PTPRG: variants seen among roughly 807,000 people sequenced by gnomAD.
PTPRG encodes the protein protein tyrosine phosphatase receptor type G.
PTPRG carries 102 observed loss-of-function variants against 165.3 expected under a neutral mutation model. The ratio of observed to expected loss-of-function variants is 0.62; its 90% CI spans 0.53 to 0.73. The LOEUF is 0.73. Ranked by LOEUF, PTPRG falls within the 30% of genes least tolerant of loss-of-function variation. The probability of loss-of-function intolerance (pLI) is 0.00; values close to 1 mark genes in which losing one functional copy is unlikely to be tolerated. For missense variants in PTPRG, 1,866 were observed against 1,861.4 expected, an observed-to-expected ratio of 1.00 and a Z score of -0.05; for synonymous variants, 675 against 669.5, an observed-to-expected ratio of 1.01 and a Z score of -0.13.
chr3:61,762,770 G>T (rs977629110), intron 2 of PTPRG, among the ~76,000 whole-genome samples: 1 of 152,070 alleles, frequency 6.6e-6, no homozygotes, highest in Non-Finnish European at 1.5e-5. Context: ...TGGCCTAAGC[G>T]TAAGGGCAGT....
intron 2 of PTPRG, among the ~76,000 whole-genome samples, chr3:61,977,745 A>G (rs1320033473): frequency 6.6e-6 from 1 of 152,042 alleles, no homozygotes; most frequent in East Asian, 1.9e-4. Context: ...AATTGCTCCT[A>G]TTTCCTCTCC....
chr3:61,718,845 A>C (rs1172871182), intron 1 of PTPRG, among the ~76,000 whole-genome samples: 2 of 152,156 alleles, frequency 1.3e-5, no homozygotes, highest in Admixed American at 1.3e-4. Flanking sequence ...CATGAAGTTC[A>C]ATGCTATTGA....
chr3:61,872,638 G>A (rs2037615878), intron 2 of PTPRG, among the ~76,000 whole-genome samples: 1 of 152,060 alleles, frequency 6.6e-6, no homozygotes, highest in Non-Finnish European at 1.5e-5. Context: ...TTTGTACAGT[G>A]TATTGTCATG....
intron 1 of PTPRG, among the ~76,000 whole-genome samples, chr3:61,634,047 T>C (rs1701836221): frequency 6.6e-6 from 1 of 151,838 alleles, no homozygotes. Context: ...CCCAAGTAGC[T>C]GGGATTACAG....
At chr3:62,171,084 G>C (rs916248839) in intron 8 of PTPRG, among the ~76,000 whole-genome samples, 2 of 152,192 alleles carry the variant, frequency 1.3e-5, no homozygotes, top group African/African-American at 4.8e-5. Flanking sequence ...CATCCTCTCT[G>C]TTGTGGCCTG....
intron 2 of PTPRG, among the ~76,000 whole-genome samples, chr3:61,844,183 C>T (rs933971799): frequency 4.6e-5 from 7 of 152,026 alleles, no homozygotes; most frequent in Non-Finnish European, 8.8e-5. Flanking sequence ...AGGCTGGCCT[C>T]GAACTCCTGA....
chr3:61,794,449 T>C (rs1162746552), intron 2 of PTPRG, among the ~76,000 whole-genome samples: 3 of 152,226 alleles, frequency 2.0e-5, no homozygotes, highest in African/African-American at 7.2e-5. Flanking sequence ...CCCTATGTAA[T>C]TTGACTTTTT....
At chr3:62,095,670 C>T (rs74870809) in intron 5 of PTPRG, among the ~76,000 whole-genome samples, 100 of 152,160 alleles carry the variant, frequency 6.6e-4, no homozygotes, top group African/African-American at 2.3e-3. Flanking sequence ...TGCCAATGGA[C>T]ATATGATTCA....
chr3:61,622,961 C>T (rs1020067752), intron 1 of PTPRG, among the ~76,000 whole-genome samples: 2 of 152,082 alleles, frequency 1.3e-5, no homozygotes, highest in Non-Finnish European at 2.9e-5. Flanking sequence ...TCATATTTTT[C>T]CTGTTCTAGA....
intron 5 of PTPRG, among the ~76,000 whole-genome samples, chr3:62,099,021 A>C (rs565712576): frequency 7.2e-5 from 11 of 152,292 alleles, no homozygotes; most frequent in African/African-American, 2.4e-4. Flanking sequence ...TAGAATTTAG[A>C]GTTGTTTGAA....
intron 2 of PTPRG, among the ~76,000 whole-genome samples, chr3:61,833,373 C>T (rs1332871746): frequency 2.0e-5 from 3 of 152,078 alleles, no homozygotes; most frequent in African/African-American, 7.2e-5. Context: ...ATCTCTAGGG[C>T]TTTTACTGGC....
At chr3:61,960,773 T>G (rs1356720469) in intron 2 of PTPRG, among the ~76,000 whole-genome samples, 1 of 152,144 alleles carries the variant, frequency 6.6e-6, no homozygotes, top group Non-Finnish European at 1.5e-5. Flanking sequence ...TTATAATGGG[T>G]CTTGGGGAGT....
At chr3:62,131,490 TG>T in intron 5 of PTPRG, among the ~76,000 whole-genome samples, 1 of 152,232 alleles carries the variant, frequency 6.6e-6, no homozygotes, top group South Asian at 2.1e-4. Flanking sequence ...ATTCTAGGGG[TG>T]GCTCTTGATT....
intron 5 of PTPRG, chr3:62,118,341 AGTCTGTGGGTGGGATTT>A (rs1178660228): frequency 1.3e-5 from 2 of 152,226 alleles, no homozygotes; most frequent in East Asian, 3.9e-4. Context: ...TTACAGATGC[AGTCTGTGGGTGGGATTT>A]GCCTTGGTGG....
chr3:62,172,406 C>T (rs996593312), intron 8 of PTPRG, among the ~76,000 whole-genome samples: 1 of 152,196 alleles, frequency 6.6e-6, no homozygotes, highest in Admixed American at 6.5e-5. Flanking sequence ...TCCTCACCAA[C>T]ACTTGTTATT....
In PTPRG at chr3:62,192,103, A is replaced by C. The variant is rs139381150; in HGVS notation, c.1218+450A>C. Among the ~76,000 whole-genome samples the C allele has an allele frequency of 5.4e-3, 817 of 152,204 alleles. 4 individuals are homozygous for C. The highest frequency in any genetic ancestry group is 0.019 in the African/African-American group (772 of 41,540). ...TCCCCTACTAAAGCTACTGCTGCTG[A>C]TGTCACCACCACCACTGTCCACAGT... On this transcript the variant is annotated intron_variant, in intron 9 of 29. Coordinates refer to ENST00000474889, the MANE Select transcript of PTPRG (RefSeq NM_002841.4).
chr3:61,591,430 G>T (rs1402704260), intron 1 of PTPRG, among the ~76,000 whole-genome samples: 1 of 152,216 alleles, frequency 6.6e-6, no homozygotes, highest in Admixed American at 6.5e-5. Context: ...GGCCAAGTTT[G>T]TATGAATCCA....
chr3:62,270,039 G>A (rs1461457986), intron 20 of PTPRG, among the ~76,000 whole-genome samples: 2 of 152,064 alleles, frequency 1.3e-5, no homozygotes, highest in African/African-American at 4.8e-5. Context: ...TTAAAATACT[G>A]TAATATTTTT....
chr3:61,851,227 C>A (rs532757674), intron 2 of PTPRG, among the ~76,000 whole-genome samples: 1 of 152,300 alleles, frequency 6.6e-6, no homozygotes, highest in South Asian at 2.1e-4. Context: ...AAATCTCTAG[C>A]TGAGCTGAAA....
Sources: gnomAD v4.1 joint callset for allele counts (sites outside exome capture counted in the v4.1 genomes callset) on GRCh38, gnomAD v4.1.1 for gene constraint, MANE v1.5 for transcripts, NCBI Gene and HGNC (gene_info 2026-07-23, HGNC 2026-07-21) for gene names.